Variants in SLIT2 observed in about 807,000 individuals in gnomAD.
SLIT2 encodes the protein slit guidance ligand 2, also known as slit homolog 2 protein.
In SLIT2, 41 loss-of-function variants were observed where a neutral mutation model predicts 185.7. The ratio of observed to expected loss-of-function variants is 0.22; its 90% CI spans 0.17 to 0.29. The LOEUF is 0.29. Among genes scored for constraint, SLIT2 ranks in the 10% least tolerant of loss-of-function variants. The pLI is 1.00. For missense variants in SLIT2, 1,571 were observed against 1,909.0 expected, an observed-to-expected ratio of 0.82 and a Z score of 3.30; for synonymous variants, 693 against 680.2, an observed-to-expected ratio of 1.02 and a Z score of -0.29.
intron 4 of SLIT2, among the ~76,000 whole-genome samples, chr4:20,382,187 A>G (rs1334125764): frequency 6.6e-6 from 1 of 152,152 alleles, no homozygotes; most frequent in Non-Finnish European, 1.5e-5. Flanking sequence ...TTCTGAGCAA[A>G]CTAGAAATAG....
intron 29 of SLIT2, among the ~76,000 whole-genome samples, chr4:20,575,422 A>G (rs1475953267): frequency 1.3e-5 from 2 of 151,604 alleles, no homozygotes; most frequent in African/African-American, 2.4e-5. Flanking sequence ...TTGTTAATTT[A>G]AAAGAACTCT....
At chr4:20,518,237 G>GTGTATA (rs1265339964) in intron 11 of SLIT2, among the ~76,000 whole-genome samples, 7 of 92,284 alleles carry the variant, frequency 7.6e-5, no homozygotes, top group East Asian at 7.4e-4. Flanking sequence ...ATATGTGTGT[G>GTGTATA]TGTATATATA....
At chr4:20,428,592 T>A (rs1728734595) in intron 4 of SLIT2, among the ~76,000 whole-genome samples, 1 of 152,156 alleles carries the variant, frequency 6.6e-6, no homozygotes, top group Non-Finnish European at 1.5e-5. Context: ...TAATTTGGAC[T>A]CAAAAGACCA....
intron 4 of SLIT2, among the ~76,000 whole-genome samples, chr4:20,356,730 G>T (rs1417693145): frequency 2.0e-5 from 3 of 152,152 alleles, no homozygotes; most frequent in South Asian, 2.1e-4. Flanking sequence ...CTCTGCCAGT[G>T]TTAGCCATTG....
intron 29 of SLIT2, among the ~76,000 whole-genome samples, chr4:20,577,975 T>TA (rs1726214291): frequency 6.6e-6 from 1 of 152,114 alleles, no homozygotes; most frequent in Non-Finnish European, 1.5e-5. Context: ...GGCATAAAAA[T>TA]ACAGTAGGGA....
At chr4:20,558,468 A>G (rs1302392178) in intron 26 of SLIT2, among the ~76,000 whole-genome samples, 1 of 152,104 alleles carries the variant, frequency 6.6e-6, no homozygotes, top group African/African-American at 2.4e-5. Context: ...TAATTAAGGT[A>G]TTGCATTTTA....
chr4:20,578,154 C>A (rs542111122), intron 29 of SLIT2, among the ~76,000 whole-genome samples: 1 of 152,272 alleles, frequency 6.6e-6, no homozygotes, highest in Non-Finnish European at 1.5e-5. Flanking sequence ...CATTTGCCTG[C>A]AAGAAGCAAT....
chr4:20,484,562 C>G lies in SLIT2; in HGVS notation c.540-1638C>G, dbSNP rs751909048. Among the ~76,000 whole-genome samples the G allele has an allele frequency of 1.3e-5, 2 of 152,012 alleles. 1 individual carries two copies. Among genetic ancestry groups the G allele is most frequent in the South Asian group, 4.1e-4 (2 of 4,822 alleles). ...ATGATCTGGGTCTCTAGCTGACATGCCCTGTTTTACTGAAAAGTTTTTGTC... is the reference window on the plus strand; with the variant it reads ...ATGATCTGGGTCTCTAGCTGACATGGCCTGTTTTACTGAAAAGTTTTTGTC... On this transcript the variant is annotated intron_variant, in intron 6 of 36. Coordinates refer to ENST00000504154, the MANE Select transcript of SLIT2 (RefSeq NM_004787.4). This position sits in a 1 kb window ranked among gnomAD's most constrained non-coding sequence, Gnocchi z 4.3.
intron 4 of SLIT2, among the ~76,000 whole-genome samples, chr4:20,356,246 T>C (rs1252754123): frequency 1.3e-5 from 2 of 152,182 alleles, no homozygotes; most frequent in African/African-American, 4.8e-5. Context: ...TGAGGCTAGG[T>C]GATTCTATGA....
At chr4:20,461,841 G>A (rs1431452608) in intron 4 of SLIT2, among the ~76,000 whole-genome samples, 4 of 152,134 alleles carry the variant, frequency 2.6e-5, no homozygotes, top group Non-Finnish European at 5.9e-5. Flanking sequence ...ATACAATTCT[G>A]GTACCAGTGT....
chr4:20,493,051 T>C (rs1465933148), intron 9 of SLIT2, among the ~76,000 whole-genome samples: 1 of 152,204 alleles, frequency 6.6e-6, no homozygotes. Context: ...ACTTTACCTC[T>C]AGAAGACATC....
intron 33 of SLIT2, among the ~76,000 whole-genome samples, chr4:20,600,364 A>G (rs1419973759): frequency 1.3e-5 from 2 of 151,708 alleles, no homozygotes; most frequent in East Asian, 3.9e-4. Context: ...TTCACCTAAC[A>G]AAGGATGGAG....
Position 20,595,825 on chromosome 4 carries a change from A to C in SLIT2, c.3311A>C (p.Glu1104Ala). 1 of 1,613,688 alleles carries C rather than the reference A, an allele frequency of 6.2e-7. No homozygotes were observed. The change falls in exon 31 of 37, where the codon GAA becomes GCA. Residue 1104 changes from glutamate (E) to alanine (A), a missense_variant. Coordinates refer to ENST00000504154, the MANE Select transcript of SLIT2 (RefSeq NM_004787.4). ...AVNGYTCICP[E>A]GYSGLFCEFS... ...AACGGCTATACGTGCATATGCCCCG[A>C]AGGTTACAGGTAAAAGCAGAAATGA... is the stretch of plus-strand genomic sequence containing the variant.
intron 4 of SLIT2, among the ~76,000 whole-genome samples, chr4:20,306,406 A>T (rs1279045396): frequency 1.3e-5 from 2 of 152,192 alleles, no homozygotes; most frequent in South Asian, 4.1e-4. Flanking sequence ...TCCTTTCCCA[A>T]CATCAGTATG....
intron 4 of SLIT2, among the ~76,000 whole-genome samples, chr4:20,322,713 A>C (rs921004615): frequency 6.6e-6 from 1 of 152,154 alleles, no homozygotes; most frequent in South Asian, 2.1e-4. Context: ...CTTATGCCCC[A>C]AAATAAGCTC....
intron 33 of SLIT2, among the ~76,000 whole-genome samples, chr4:20,605,903 C>T (rs553096586): frequency 3.7e-4 from 56 of 151,966 alleles, no homozygotes; most frequent in African/African-American, 1.3e-3. Flanking sequence ...CCCGCCACCA[C>T]GCCCAGATGA....
chr4:20,565,209 A>T (rs148841909), intron 26 of SLIT2, among the ~76,000 whole-genome samples: 1 of 152,150 alleles, frequency 6.6e-6, no homozygotes, highest in Non-Finnish European at 1.5e-5. Context: ...TTGAAAGCAC[A>T]GTAACAGGCC....
intron 4 of SLIT2, among the ~76,000 whole-genome samples, chr4:20,377,006 G>T (rs1418185916): frequency 6.6e-6 from 1 of 151,744 alleles, no homozygotes; most frequent in African/African-American, 2.4e-5. Context: ...ATGTACCCTA[G>T]AACTTAAAGT....
intron 4 of SLIT2, among the ~76,000 whole-genome samples, chr4:20,282,959 C>T (rs959530933): frequency 6.6e-6 from 1 of 152,166 alleles, no homozygotes. Flanking sequence ...TAAATCTGTT[C>T]TTTTCAATCC....
Sources: gnomAD v4.1 joint callset for allele counts (sites outside exome capture counted in the v4.1 genomes callset) on GRCh38, gnomAD v4.1.1 for gene constraint, Gnocchi (gnomAD v3.1) non-coding constraint, MANE v1.5 for transcripts, NCBI Gene and HGNC (gene_info 2026-07-23, HGNC 2026-07-21) for gene names.